CCDC187: variants seen among roughly 807,000 people sequenced by gnomAD.
CCDC187 encodes coiled-coil domain-containing protein 187.
In CCDC187, 32 loss-of-function variants were observed where a neutral mutation model predicts 38.0. The ratio of observed to expected loss-of-function variants is 0.84; its 90% CI spans 0.64 to 1.13. The LOEUF is 1.13. Among genes scored for constraint, CCDC187 ranks in the 50% most tolerant of loss-of-function variants. The probability of loss-of-function intolerance (pLI) is 0.00; values close to 1 mark genes in which losing one functional copy is unlikely to be tolerated. For missense variants in CCDC187, 707 were observed against 786.8 expected (o/e 0.90, Z 1.21); for synonymous variants, 333 against 347.9 (o/e 0.96, Z 0.48).
At chr9:136,301,411 C>G (rs892271020) in intron 2 of CCDC187, among the ~76,000 whole-genome samples, 9 of 151,972 alleles carry the variant, frequency 5.9e-5, no homozygotes, top group African/African-American at 2.2e-4. Flanking sequence ...TGAAGGGTCC[C>G]GGGGCTGGGA....
chr9:136,263,235 CTT>C (rs35662036), intron 18 of CCDC187, among the ~76,000 whole-genome samples: 8,668 of 93,840 alleles, frequency 0.092, 379 homozygotes, highest in Admixed American at 0.16. Flanking sequence ...GGGCCACAGG[CTT>C]TTTTTTTTTT....
rs782407390 is a variant in CCDC187, at chr9:136,264,896, T to C, written c.3735+1060A>G. 6.6e-6 allele frequency among the ~76,000 whole-genome samples: 1 copy of C among 152,102 alleles called. No homozygotes were observed. Among genetic ancestry groups the C allele is most frequent in the Non-Finnish European group, 1.5e-5 (1 of 68,016 alleles). On this transcript the variant is annotated intron_variant, in intron 17 of 25. Transcript: ENST00000638797. The surrounding 1 kb of genome is among the most constrained non-coding windows in gnomAD (Gnocchi z 4.3). Reference sequence around the variant, plus strand: ...TCAGTCCACCAAATAGCTGGGACTATAGGCATTGGCCACCTATAGTGGCAG... The same window carrying C: ...TCAGTCCACCAAATAGCTGGGACTACAGGCATTGGCCACCTATAGTGGCAG...
chr9:136,286,426 G>A lies in CCDC187; in HGVS notation c.2492C>T (p.Ala831Val), dbSNP rs1296426640. ...QAQLQALETT[A>V]KVLKQRVDSL... ...ATCGACCCGCTGCTTGAGGACTTTG[G>A]CTGTGGTCTCTAGCGCCTGCAGCTG... Residue 831 changes from alanine (A) to valine (V), a missense_variant, in exon 8 of 26, where the codon GCC (alanine) becomes GTC (valine). Physicochemically the swap from Ala to Val is moderately conservative, Grantham distance 64. Coordinates refer to ENST00000638797, the MANE Select transcript of CCDC187 (RefSeq NM_001378188.1). 3.3e-5 allele frequency: 13 copies of A among 398,602 alleles called. No homozygotes were observed. Among genetic ancestry groups the A allele is most frequent in the Non-Finnish European group, 5.3e-5 (12 of 226,118 alleles). The allele number at this position is 398,602 out of a possible 1,614,324, so 24.7% of individuals were successfully genotyped here.
At chr9:136,281,771 G>GC (rs1831049420) in intron 9 of CCDC187, 108 bp from the exon 10 acceptor site, 1 of 397,556 alleles carries the variant, frequency 2.5e-6, no homozygotes, top group Non-Finnish European at 4.4e-6. Context: ...GGCTCCCGTG[G>GC]CCTGGAGCAG....
In CCDC187 at chr9:136,255,011, G is replaced by A. The variant is rs145688721; in HGVS notation, c.4817C>T (p.Ser1606Leu). Reference protein sequence around the residue: ...ESASGTCWGPSEEATVSSHTS... With the variant: ...ESASGTCWGPLEEATVSSHTS... ...GTGGGATGACACCGTGGCTTCTTCC[G>A]AAGGCCCCCAGCAGGTTCCAGAAGC... Residue 1606 changes from serine (S) to leucine (L), a missense_variant, in exon 26 of 26, where the codon TCG becomes TTG. Physicochemically the swap from Ser to Leu is moderately radical, Grantham distance 145 (BLOSUM62 -2). Coordinates refer to ENST00000638797, the MANE Select transcript of CCDC187 (RefSeq NM_001378188.1). 9 of 985,346 alleles carry A rather than the reference G, an allele frequency of 9.1e-6. No individual in the cohort carries two copies. The East Asian group carries it at 3.4e-4, about 37-fold the overall frequency. 61.0% of individuals were successfully genotyped at this position (985,346 alleles called of 1,614,324 possible). A position where few individuals can be genotyped will look rare whatever the true frequency, so the allele number is the denominator to read the frequency against.
chr9:136,293,025 G>A (rs1831373668), intron 4 of CCDC187, among the ~76,000 whole-genome samples: 1 of 152,240 alleles, frequency 6.6e-6, no homozygotes, highest in South Asian at 2.1e-4. Context: ...AGCCCCGTGG[G>A]CCCAGCTGCG....
In CCDC187 at chr9:136,291,611, T is replaced by A. The variant is rs1273320131; in HGVS notation, c.1002A>T (p.Ser334=). Residue 334 remains serine (S), a synonymous_variant, in exon 6 of 26, where the codon TCA becomes TCT. Coordinates refer to ENST00000638797, the MANE Select transcript of CCDC187 (RefSeq NM_001378188.1). The part of the protein sequence containing the change: ...DSEKVIAAKC[S]PVCAQLPDAT... ...CATCGGGCAACTGGGCACAAACCGG[T>A]GAGCACTTGGCAGCTATGACTTTCT... 1.3e-5 allele frequency: 5 copies of A among 398,664 alleles called. No individual in the cohort carries two copies. The highest frequency in any genetic ancestry group is 2.2e-5 in the Non-Finnish European group (5 of 226,156). 24.7% of individuals were successfully genotyped at this position (398,664 alleles called of 1,614,324 possible).
intron 4 of CCDC187, chr9:136,296,293 T>G (rs1831533413): frequency 1.3e-5 from 2 of 152,106 alleles, no homozygotes; most frequent in Non-Finnish European, 2.9e-5. Flanking sequence ...ACAAAGCCAA[T>G]CTCAGGCGTT....
rs545984753 is a variant in CCDC187 at position 136,258,129 on chromosome 9, C to T, written c.4366+803G>A. ...CTGAACAGCGCAGGCCCGGAGGTGA[C>T]GCGGGACACAGAGGGAAAGCGCTCT... is the stretch of plus-strand genomic sequence containing the variant. On this transcript the variant is annotated intron_variant, in intron 22 of 25. Coordinates refer to ENST00000638797, the MANE Select transcript of CCDC187 (RefSeq NM_001378188.1). This position sits in a 1 kb window ranked among gnomAD's most constrained non-coding sequence, Gnocchi z 4.3. Among the ~76,000 whole-genome samples, 84 of 152,274 alleles carry T rather than the reference C, an allele frequency of 5.5e-4. No individual in the cohort carries two copies. Among genetic ancestry groups the T allele is most frequent in the African/African-American group, 1.8e-3 (74 of 41,558 alleles).
intron 19 of CCDC187, among the ~76,000 whole-genome samples, chr9:136,261,806 TAG>T (rs1830682036): frequency 6.6e-6 from 1 of 152,204 alleles, no homozygotes; most frequent in Non-Finnish European, 1.5e-5. Flanking sequence ...GGTTCTGTGA[TAG>T]AGTCTTGAGG....
chr9:136,259,992 C>G (rs1480054952), intron 20 of CCDC187, 127 bp downstream of exon 20: 9 of 803,866 alleles, frequency 1.1e-5, no homozygotes, highest in Non-Finnish European at 1.4e-5. Flanking sequence ...GGCCCGGTCA[C>G]AGGCGGGGCA....
chr9:136,293,299 A>ATGTTCACACACTCACAGG (rs1831398836), intron 4 of CCDC187, among the ~76,000 whole-genome samples: 2 of 139,472 alleles, frequency 1.4e-5, no homozygotes, highest in East Asian at 2.2e-4. Flanking sequence ...ACACTCACAA[A>ATGTTCACACACTCACAGG]CACATGTTCA....
chr9:136,250,929 G>C lies in CCDC187; in HGVS notation c.*2665C>G. On this transcript the variant is annotated 3_prime_UTR_variant, in exon 26 of 26. Transcript: ENST00000638797. ...GCCCAAAGAGGTTCTAAGGGGCCTG[G>C]GGTCTCTCACCAGAGCTATGGGGTA... is the stretch of plus-strand genomic sequence containing the variant. 1 of 451,610 alleles carries C rather than the reference G, an allele frequency of 2.2e-6. No homozygotes were observed. Among genetic ancestry groups the C allele is most frequent in the East Asian group, 7.0e-5 (1 of 14,252 alleles). 28.0% of individuals were successfully genotyped at this position (451,610 alleles called of 1,614,324 possible).
intron 9 of CCDC187, among the ~76,000 whole-genome samples, chr9:136,284,709 T>G (rs1831130776): frequency 1.4e-5 from 2 of 144,038 alleles, no homozygotes; most frequent in South Asian, 2.3e-4. Context: ...GGAGGAAGAT[T>G]TTTGGTGGGG....
chr9:136,301,586 CTT>C (rs1207423796), intron 2 of CCDC187, among the ~76,000 whole-genome samples: 4 of 126,562 alleles, frequency 3.2e-5, no homozygotes, highest in Admixed American at 8.4e-5. Context: ...GCATACGTTA[CTT>C]TTTTTTTTTT....
intron 7 of CCDC187, 100 bp from the exon 8 acceptor site, chr9:136,286,795 T>A (rs1385446517): frequency 7.5e-6 from 3 of 397,762 alleles, no homozygotes; most frequent in Non-Finnish European, 1.3e-5. Context: ...CACAGCAGCG[T>A]CTGTGACGGA....
At position 136,303,265 on chromosome 9, in the gene CCDC187, C is replaced by G. The variant is rs1051108237; in HGVS notation, c.172G>C (p.Val58Leu). The change falls in exon 2 of 26, where the codon GTG (valine) becomes CTG (leucine). Residue 58 changes from valine (V) to leucine (L), a missense_variant. Physicochemically the swap from Val to Leu is conservative, Grantham distance 32. Transcript: ENST00000638797. ...RLCAPAAEDDVAALRWPGPSQ... is the reference protein window; with the variant it reads ...RLCAPAAEDDLAALRWPGPSQ... ...GGCCCGGGCCACCTCAGGGCTGCCACGTCATCCTCAGCTGCAGGTGCGCAG... is the reference window on the plus strand; with the variant it reads ...GGCCCGGGCCACCTCAGGGCTGCCAGGTCATCCTCAGCTGCAGGTGCGCAG... 9 of 397,746 alleles carry G rather than the reference C, an allele frequency of 2.3e-5. No homozygotes were observed. In the South Asian group the frequency reaches 9.8e-4, roughly 43 times the overall value. The allele number at this position is 397,746 out of a possible 1,614,324, so 24.6% of individuals were successfully genotyped here. A position where few individuals can be genotyped will look rare whatever the true frequency, so the allele number is the denominator to read the frequency against.
intron 14 of CCDC187, among the ~76,000 whole-genome samples, chr9:136,271,048 G>A (rs1554762339): frequency 6.6e-6 from 1 of 152,132 alleles, no homozygotes; most frequent in Non-Finnish European, 1.5e-5. Flanking sequence ...GAAACAGTTT[G>A]TGCCTTCAGT....
At chr9:136,295,516 A>T (rs1342630452) in intron 4 of CCDC187, among the ~76,000 whole-genome samples, 1 of 152,248 alleles carries the variant, frequency 6.6e-6, no homozygotes, top group African/African-American at 2.4e-5. Context: ...AAGTGAGGTG[A>T]TATAATCTGA....
Sources: gnomAD v4.1 joint callset for allele counts (sites outside exome capture counted in the v4.1 genomes callset) on GRCh38, gnomAD v4.1.1 for gene constraint, Gnocchi (gnomAD v3.1) non-coding constraint, MANE v1.5 for transcripts, NCBI Gene and HGNC (gene_info 2026-07-23, HGNC 2026-07-21) for gene names.